DEPTOR: variants seen among roughly 807,000 people sequenced by gnomAD.
DEPTOR encodes DEP domain containing MTOR interacting protein.
In DEPTOR, 41 loss-of-function variants were observed where a neutral mutation model predicts 41.6. That is an observed-to-expected ratio of 0.98 (90% CI 0.77 to 1.28). The LOEUF (loss-of-function observed/expected upper bound fraction) is 1.28. Among genes scored for constraint, DEPTOR ranks in the 50% most tolerant of loss-of-function variants. The pLI is 0.00. For synonymous variants in DEPTOR, 195 were observed against 192.3 expected (o/e 1.01, Z -0.12); for missense variants, 514 against 527.9 (o/e 0.97, Z 0.26).
intron 3 of DEPTOR, among the ~76,000 whole-genome samples, chr8:119,944,522 A>G (rs1341110619): frequency 6.6e-6 from 1 of 152,026 alleles, no homozygotes; most frequent in Non-Finnish European, 1.5e-5. Flanking sequence ...CAGTCTGTCC[A>G]GCTTGACTAT....
Position 120,030,497 on chromosome 8 carries a change from G to GTTTTTTTTTTTTTTTTTTTTTTTTTTTTT in DEPTOR, c.1102-19051_1102-19050insTTTTTTTTTTTTTTTTTTTTTTTTTTTTT. ...AATGATGTATTGTGTAGGTTCATCA[G>GTTTTTTTTTTTTTTTTTTTTTTTTTTTTT]TTTTTTTTTTTTTTTTTTTTTTTTT... On this transcript the variant is annotated intron_variant, in intron 8 of 8. Transcript: ENST00000286234. Among the ~76,000 whole-genome samples the GTTTTTTTTTTTTTTTTTTTTTTTTTTTTT allele has an allele frequency of 8.2e-4, 38 of 46,214 alleles. 5 individuals carry two copies. The highest frequency in any genetic ancestry group is 1.9e-3 in the African/African-American group (22 of 11,286). 30.3% of individuals were successfully genotyped at this position (46,214 alleles called of 152,430 possible).
At chr8:119,987,419 G>A (rs1828842258) in intron 4 of DEPTOR, among the ~76,000 whole-genome samples, 1 of 152,144 alleles carries the variant, frequency 6.6e-6, no homozygotes, top group South Asian at 2.1e-4. Flanking sequence ...TCCCAGAGGG[G>A]CACCTGCCAG....
chr8:119,923,825 T>C (rs1482829232), intron 1 of DEPTOR, among the ~76,000 whole-genome samples: 3 of 152,020 alleles, frequency 2.0e-5, no homozygotes, highest in African/African-American at 7.2e-5. Flanking sequence ...TCAGACAGGG[T>C]TCTTCTTATC....
chr8:119,974,926 C>T (rs529538806), intron 4 of DEPTOR, among the ~76,000 whole-genome samples: 50 of 152,154 alleles, frequency 3.3e-4, no homozygotes, highest in African/African-American at 1.2e-3. Context: ...CTTAGGTCAA[C>T]ACCTTCTTTA....
intron 3 of DEPTOR, among the ~76,000 whole-genome samples, chr8:119,930,537 C>G (rs1828029196): frequency 6.6e-6 from 1 of 151,884 alleles, no homozygotes; most frequent in African/African-American, 2.4e-5. Flanking sequence ...GTGCTTGGCC[C>G]CCTTTTTTCT....
chr8:119,932,737 G>A (rs930903403), intron 3 of DEPTOR, among the ~76,000 whole-genome samples: 6 of 152,246 alleles, frequency 3.9e-5, no homozygotes, highest in African/African-American at 7.2e-5. Context: ...TACAGGTGTC[G>A]TCGGTGCAAG....
chr8:120,036,221 A>G (rs1018101934), intron 8 of DEPTOR, among the ~76,000 whole-genome samples: 2 of 152,244 alleles, frequency 1.3e-5, no homozygotes, highest in African/African-American at 4.8e-5. Flanking sequence ...GTATGAGACC[A>G]GCAGGCATTA....
At chr8:119,975,727 G>A (rs1198029360) in intron 4 of DEPTOR, among the ~76,000 whole-genome samples, 2 of 152,066 alleles carry the variant, frequency 1.3e-5, no homozygotes, top group African/African-American at 4.8e-5. Flanking sequence ...CAGCAAGGTG[G>A]AGGCCCAGTA....
chr8:119,965,279 G>T lies in DEPTOR; in HGVS notation c.473G>T (p.Gly158Val). The T allele has an allele frequency of 1.2e-6, 2 of 1,614,154 alleles. No homozygotes were observed. The highest frequency in any genetic ancestry group is 3.3e-5 in the Admixed American group (2 of 60,012). Residue 158 changes from glycine (G) to valine (V), a missense_variant, in exon 4 of 9, where the codon GGG becomes GTG. Physicochemically the swap from Gly to Val is moderately radical, Grantham distance 109. Transcript: ENST00000286234. ...NTLLQPREEE[G>V]VKYERTFMAS... ...CTCCTGCAGCCCAGGGAGGAGGAAG[G>T]GGTCAAGTATGAGCGCACCTTCATG...
intron 3 of DEPTOR, among the ~76,000 whole-genome samples, chr8:119,955,620 C>A (rs533963669): frequency 1.3e-3 from 195 of 152,236 alleles, no homozygotes; most frequent in African/African-American, 4.6e-3. Context: ...GCATGTGCCA[C>A]CACGCCCAGC....
intron 8 of DEPTOR, among the ~76,000 whole-genome samples, chr8:120,037,372 C>G (rs1372378228): frequency 6.6e-6 from 1 of 152,004 alleles, no homozygotes; most frequent in Admixed American, 6.5e-5. Context: ...TTTTATTGAA[C>G]TATATAGAAA....
intron 1 of DEPTOR, among the ~76,000 whole-genome samples, chr8:119,886,177 C>G (rs1381257808): frequency 6.6e-6 from 1 of 152,100 alleles, no homozygotes; most frequent in African/African-American, 2.4e-5. Flanking sequence ...CTCTGCAATT[C>G]TTTTGGTTCT....
intron 4 of DEPTOR, among the ~76,000 whole-genome samples, chr8:119,976,051 G>A (rs147528172): frequency 0.031 from 4,662 of 151,534 alleles, 69 homozygotes; most frequent in Non-Finnish European, 0.037. Context: ...TAATAGAGAC[G>A]GGGTTTCACC....
At chr8:119,925,218 C>T (rs1181017619) in intron 1 of DEPTOR, among the ~76,000 whole-genome samples, 3 of 151,944 alleles carry the variant, frequency 2.0e-5, no homozygotes, top group Admixed American at 6.6e-5. Context: ...GGTGAAACCC[C>T]GTCTCTACTA....
chr8:119,947,241 A>G (rs1029771862), intron 3 of DEPTOR, among the ~76,000 whole-genome samples: 1 of 152,218 alleles, frequency 6.6e-6, no homozygotes, highest in Non-Finnish European at 1.5e-5. Flanking sequence ...AAGGGGGACA[A>G]GGTAATTGAC....
At chr8:119,938,118 T>C (rs980162621) in intron 3 of DEPTOR, among the ~76,000 whole-genome samples, 6 of 152,238 alleles carry the variant, frequency 3.9e-5, no homozygotes, top group African/African-American at 1.4e-4. Flanking sequence ...TAAAGAGTTA[T>C]CTTCTAACAA....
intron 3 of DEPTOR, among the ~76,000 whole-genome samples, chr8:119,943,761 C>G (rs1015300797): frequency 6.6e-6 from 1 of 152,148 alleles, no homozygotes; most frequent in African/African-American, 2.4e-5. Flanking sequence ...CTTCACCGTC[C>G]TTTATAATTT....
chr8:119,938,823 T>G (rs930757778), intron 3 of DEPTOR, among the ~76,000 whole-genome samples: 7 of 151,996 alleles, frequency 4.6e-5, no homozygotes, highest in South Asian at 2.1e-4. Flanking sequence ...CTGCCTGCCT[T>G]CCTTCTTTCC....
intron 3 of DEPTOR, among the ~76,000 whole-genome samples, chr8:119,942,075 A>T (rs992585800): frequency 4.6e-5 from 7 of 152,100 alleles, no homozygotes; most frequent in Non-Finnish European, 1.0e-4. Context: ...ATATATGGCA[A>T]TTTGTTAACA....
Sources: gnomAD v4.1 joint callset for allele counts (sites outside exome capture counted in the v4.1 genomes callset) on GRCh38, gnomAD v4.1.1 for gene constraint, MANE v1.5 for transcripts, NCBI Gene and HGNC (gene_info 2026-07-23, HGNC 2026-07-21) for gene names.